The following TENM2 variants were observed in gnomAD, a reference collection of about 807,000 sequenced individuals.
TENM2 encodes the protein teneurin transmembrane protein 2.
Under a neutral mutation model 245.2 loss-of-function variants are expected in TENM2, and 52 were observed. That is an observed-to-expected ratio of 0.21 (90% CI 0.17 to 0.27). The LOEUF (loss-of-function observed/expected upper bound fraction) is 0.27, where lower values mean the gene tolerates loss of function less well. TENM2 is among the 10% of genes least tolerant of loss of function. The pLI is 1.00. For synonymous variants in TENM2, 1,363 were observed against 1,438.9 expected, an observed-to-expected ratio of 0.95 and a Z score of 1.19; for missense variants, 3,046 against 3,666.8, an observed-to-expected ratio of 0.83 and a Z score of 4.37.
At chr5:167,937,643 T>C (rs1419349625) in intron 3 of TENM2, 1 of 152,222 alleles carries the variant, frequency 6.6e-6, no homozygotes. Context: ...CCTTACATTT[T>C]CTGTTGGTTA....
intron 12 of TENM2, among the ~76,000 whole-genome samples, chr5:168,152,852 G>T (rs935746011): frequency 9.9e-5 from 15 of 152,096 alleles, no homozygotes; most frequent in African/African-American, 3.6e-4. Context: ...ACCCACATCC[G>T]CATTCATACA....
intron 1 of TENM2, among the ~76,000 whole-genome samples, chr5:167,322,460 C>G (rs1319545709): frequency 6.6e-6 from 1 of 152,112 alleles, no homozygotes; most frequent in Non-Finnish European, 1.5e-5. Context: ...CTGCGTTGCT[C>G]CCTGACTGTG....
intron 2 of TENM2, among the ~76,000 whole-genome samples, chr5:167,471,894 G>A (rs978604123): frequency 1.3e-5 from 2 of 152,188 alleles, no homozygotes; most frequent in Non-Finnish European, 2.9e-5. Flanking sequence ...TTGAGTCCTG[G>A]CAGTGTGGTA....
At chr5:167,434,215 T>G (rs1764406826) in intron 2 of TENM2, among the ~76,000 whole-genome samples, 2 of 151,626 alleles carry the variant, frequency 1.3e-5, no homozygotes, top group Admixed American at 1.3e-4. Flanking sequence ...AGGTCAGGAG[T>G]TCGAGACCAG....
intron 7 of TENM2, among the ~76,000 whole-genome samples, chr5:168,077,673 T>C (rs564143784): frequency 7.2e-5 from 11 of 152,078 alleles, no homozygotes; most frequent in South Asian, 2.1e-4. Context: ...TGAGAACATA[T>C]GGTGTTTGGT....
At chr5:167,254,278 G>T in the TENM2 span, among the ~76,000 whole-genome samples, 1 of 152,148 alleles carries the variant, frequency 6.6e-6, no homozygotes, top group Non-Finnish European at 1.5e-5. Flanking sequence ...TTCCCACCTA[G>T]GGGTTGCCTC....
intron 2 of TENM2, among the ~76,000 whole-genome samples, chr5:167,745,019 CTT>C (rs1761460898): frequency 1.3e-5 from 2 of 152,174 alleles, no homozygotes; most frequent in South Asian, 4.1e-4. Context: ...ACCTGTCTCT[CTT>C]TGAATAAACT....
chr5:167,987,838 G>A (rs965761332), intron 4 of TENM2, among the ~76,000 whole-genome samples: 1 of 152,120 alleles, frequency 6.6e-6, no homozygotes, highest in Non-Finnish European at 1.5e-5. Flanking sequence ...TTCTCTTTTT[G>A]TTTGCTGAAT....
intron 2 of TENM2, among the ~76,000 whole-genome samples, chr5:167,548,672 G>T (rs1406576965): frequency 6.6e-6 from 1 of 151,982 alleles, no homozygotes; most frequent in African/African-American, 2.4e-5. Flanking sequence ...CTTCAAGATG[G>T]CCTCTTACCA....
intron 2 of TENM2, among the ~76,000 whole-genome samples, chr5:167,549,504 A>T (rs1264827660): frequency 6.6e-6 from 1 of 152,208 alleles, no homozygotes; most frequent in Non-Finnish European, 1.5e-5. Context: ...ACATCTTGTA[A>T]CTATTAGATT....
intron 2 of TENM2, among the ~76,000 whole-genome samples, chr5:167,438,598 G>T (rs565460027): frequency 3.3e-5 from 5 of 151,882 alleles, no homozygotes; most frequent in Admixed American, 6.6e-5. Flanking sequence ...GGGGTTTCAC[G>T]CTGTTAGCCA....
chr5:167,133,059 C>T, the TENM2 span, among the ~76,000 whole-genome samples: 1 of 152,110 alleles, frequency 6.6e-6, no homozygotes, highest in Non-Finnish European at 1.5e-5. Flanking sequence ...ATCACAGGGA[C>T]GTGTGGCCTA....
chr5:167,997,965 C>T (rs1225148361), intron 5 of TENM2, among the ~76,000 whole-genome samples: 1 of 152,226 alleles, frequency 6.6e-6, no homozygotes, highest in African/African-American at 2.4e-5. Flanking sequence ...GATACTGCAA[C>T]TCCATTTCAC....
intron 4 of TENM2, among the ~76,000 whole-genome samples, chr5:167,985,795 T>C (rs1467579548): frequency 6.6e-6 from 1 of 152,250 alleles, no homozygotes; most frequent in African/African-American, 2.4e-5. Flanking sequence ...TTTATGTATT[T>C]GTTTGTTTGT....
the TENM2 span, among the ~76,000 whole-genome samples, chr5:167,216,828 G>A: frequency 6.6e-6 from 1 of 152,048 alleles, no homozygotes; most frequent in Non-Finnish European, 1.5e-5. Flanking sequence ...TTGAGAGGCT[G>A]AGGTGGGAGA....
At chr5:168,060,464 C>A (rs1404137463) in intron 6 of TENM2, among the ~76,000 whole-genome samples, 3 of 152,010 alleles carry the variant, frequency 2.0e-5, no homozygotes, top group Admixed American at 2.0e-4. Flanking sequence ...CTAAATAAAC[C>A]GTCTAGTCCC....
intron 2 of TENM2, among the ~76,000 whole-genome samples, chr5:167,688,687 A>G (rs1006057453): frequency 3.3e-5 from 5 of 152,216 alleles, no homozygotes; most frequent in Non-Finnish European, 7.3e-5. Context: ...AAAATATTGC[A>G]TTTTCTGTAG....
chr5:167,228,242 C>T, the TENM2 span, among the ~76,000 whole-genome samples: 13 of 152,012 alleles, frequency 8.6e-5, no homozygotes, highest in African/African-American at 2.7e-4. Context: ...GATGGCCAGG[C>T]TGGTCTCGAA....
At chr5:167,410,169 T>C (rs1431328917) in intron 2 of TENM2, among the ~76,000 whole-genome samples, 1 of 151,976 alleles carries the variant, frequency 6.6e-6, no homozygotes, top group Non-Finnish European at 1.5e-5. Flanking sequence ...CTCCAAGATA[T>C]AATGTCAGAT....
Sources: gnomAD v4.1 joint callset for allele counts (sites outside exome capture counted in the v4.1 genomes callset) on GRCh38, gnomAD v4.1.1 for gene constraint, MANE v1.5 for transcripts, NCBI Gene and HGNC (gene_info 2026-07-23, HGNC 2026-07-21) for gene names.